The following AIG1 variants were observed in gnomAD, a reference collection of about 807,000 sequenced individuals.
AIG1 encodes the protein androgen induced 1, also known as androgen-induced gene 1 protein.
AIG1 carries 23 observed loss-of-function variants against 31.4 expected under a neutral mutation model. The ratio of observed to expected loss-of-function variants is 0.73; its 90% CI spans 0.53 to 1.04. The LOEUF (loss-of-function observed/expected upper bound fraction) is 1.04, where lower values mean the gene tolerates loss of function less well. Ranked by LOEUF, AIG1 falls within the 50% of genes least tolerant of loss-of-function variation. The pLI is 0.00. For missense variants in AIG1, 274 were observed against 295.0 expected, an observed-to-expected ratio of 0.93 and a Z score of 0.52; for synonymous variants, 100 against 110.5, an observed-to-expected ratio of 0.90 and a Z score of 0.60.
intron 3 of AIG1, among the ~76,000 whole-genome samples, chr6:143,225,094 C>T (rs1792844720): frequency 6.6e-6 from 1 of 152,120 alleles, no homozygotes; most frequent in South Asian, 2.1e-4. Flanking sequence ...CAAACTCTAC[C>T]ATTTCCCAAC....
chr6:143,167,925 G>A (rs974851539), intron 3 of AIG1, among the ~76,000 whole-genome samples: 5 of 152,136 alleles, frequency 3.3e-5, no homozygotes, highest in African/African-American at 1.2e-4. Context: ...TGCGCATGGT[G>A]GCTGATGTGT....
At chr6:143,232,763 G>C (rs1793532786) in intron 3 of AIG1, among the ~76,000 whole-genome samples, 1 of 152,028 alleles carries the variant, frequency 6.6e-6, no homozygotes. Flanking sequence ...TACTTCACAG[G>C]GTCCTTTCTT....
intron 3 of AIG1, among the ~76,000 whole-genome samples, chr6:143,236,346 A>G (rs1052045342): frequency 6.6e-6 from 1 of 152,210 alleles, no homozygotes; most frequent in Non-Finnish European, 1.5e-5. Context: ...TCTGTGACTC[A>G]CGCCATCTGT....
Position 143,323,275 on chromosome 6 carries a change from A to G in AIG1, c.516-10007A>G, listed in dbSNP as rs747973922. Among the ~76,000 whole-genome samples, 5 of 152,334 alleles carry G rather than the reference A, an allele frequency of 3.3e-5. No homozygotes were observed. In the East Asian group the frequency reaches 7.7e-4, roughly 24 times the overall value. ...AAGACTTTCAAGATGGTGACAGCAT[A>G]TCCTTAAACCAAGTGTGATCCCCTT... On this transcript the variant is annotated intron_variant, in intron 4 of 5. Transcript: ENST00000357847.
chr6:143,335,016 A>C, intron 5 of AIG1: 2 of 1,247,476 alleles, frequency 1.6e-6, no homozygotes, highest in Non-Finnish European at 2.1e-6. Context: ...TAAGTAACAT[A>C]AGATTGACTA....
chr6:143,250,646 C>T lies in AIG1; in HGVS notation c.400-33464C>T, dbSNP rs115301115. Among the ~76,000 whole-genome samples the T allele has an allele frequency of 4.2e-3, 633 of 152,134 alleles. 3 individuals carry two copies. Among genetic ancestry groups the T allele is most frequent in the African/African-American group, 0.015 (603 of 41,516 alleles). On this transcript the variant is annotated intron_variant, in intron 3 of 5. Transcript: ENST00000357847. Reference sequence around the variant, plus strand: ...GACACACATTGAGCAGGGGCAGAGGCAGGATGACCACAGAGACAGAGATTG... The same window carrying T: ...GACACACATTGAGCAGGGGCAGAGGTAGGATGACCACAGAGACAGAGATTG...
In AIG1 at chr6:143,299,922, C is replaced by G. The variant is rs1035853999; in HGVS notation, c.515+15697C>G. Among the ~76,000 whole-genome samples, 6 of 152,152 alleles carry G rather than the reference C, an allele frequency of 3.9e-5. No homozygotes were observed. The highest frequency in any genetic ancestry group is 8.8e-5 in the Non-Finnish European group (6 of 68,034). ...ACATTCTGAGTCAGTGTCAGGTGCC[C>G]CTTTCAAGTGGCACCCTCCATTCAC... On this transcript the variant is annotated intron_variant, in intron 4 of 5. Coordinates refer to ENST00000357847, the MANE Select transcript of AIG1 (RefSeq NM_016108.4). This position sits in a 1 kb window ranked among gnomAD's most constrained non-coding sequence, Gnocchi z 4.1.
rs144324509 is a variant in AIG1, at chr6:143,127,196, G to A, written c.142-9639G>A. ...CTTATCATTTCCCCTTTAATTAATG[G>A]TTTTATCCTCATATGGGGACTCTTC... On this transcript the variant is annotated intron_variant, in intron 1 of 5. Transcript: ENST00000357847. Among the ~76,000 whole-genome samples the A allele has an allele frequency of 5.9e-5, 9 of 152,146 alleles. No homozygotes were observed. In the East Asian group the frequency reaches 1.7e-3, roughly 29 times the overall value.
chr6:143,061,147 TGG>T, intron 1 of AIG1, 81 bp downstream of exon 1: 1 of 1,419,476 alleles, frequency 7.0e-7, no homozygotes, highest in South Asian at 1.2e-5. Flanking sequence ...TGTGTGTGTG[TGG>T]ATGCGCGAGC....
intron 1 of AIG1, among the ~76,000 whole-genome samples, chr6:143,092,798 C>T (rs1357129533): frequency 5.3e-5 from 8 of 152,050 alleles, no homozygotes; most frequent in Admixed American, 3.9e-4. Flanking sequence ...GGCTGTAATC[C>T]CAGCGTTTTG....
intron 3 of AIG1, among the ~76,000 whole-genome samples, chr6:143,194,698 C>A (rs1583474206): frequency 6.6e-6 from 1 of 152,144 alleles, no homozygotes; most frequent in Non-Finnish European, 1.5e-5. Flanking sequence ...ATGCTGTAAC[C>A]CCAGTACCCC....
chr6:143,108,908 T>A (rs1007637426), intron 1 of AIG1, among the ~76,000 whole-genome samples: 2 of 152,124 alleles, frequency 1.3e-5, no homozygotes, highest in Non-Finnish European at 2.9e-5. Flanking sequence ...AGGAAACACA[T>A]CTGTGTAACC....
intron 1 of AIG1, among the ~76,000 whole-genome samples, chr6:143,121,043 T>C (rs1782197108): frequency 6.6e-6 from 1 of 152,256 alleles, no homozygotes; most frequent in Non-Finnish European, 1.5e-5. Context: ...TTTCGGCCCA[T>C]CCCTTTGTTT....
chr6:143,266,333 T>C (rs1186665256), intron 3 of AIG1, among the ~76,000 whole-genome samples: 1 of 100,892 alleles, frequency 9.9e-6, no homozygotes, highest in African/African-American at 4.4e-5. Context: ...GACAATAGAG[T>C]AAGAGTCCGT....
chr6:143,307,552 C>A (rs1799420232), intron 4 of AIG1, among the ~76,000 whole-genome samples: 1 of 152,198 alleles, frequency 6.6e-6, no homozygotes, highest in African/African-American at 2.4e-5. Flanking sequence ...CTGATCGTTC[C>A]TCTGGAAGTT....
chr6:143,078,455 TG>T (rs772808152), intron 1 of AIG1, among the ~76,000 whole-genome samples: 106 of 152,222 alleles, frequency 7.0e-4, no homozygotes, highest in Non-Finnish European at 1.4e-3. Flanking sequence ...ATGAACATTT[TG>T]AATATTGTAT....
chr6:143,239,792 G>A (rs545693086), intron 3 of AIG1, among the ~76,000 whole-genome samples: 43 of 152,252 alleles, frequency 2.8e-4, no homozygotes, highest in African/African-American at 1.0e-3. Flanking sequence ...GCAGAGGGTG[G>A]CCTATGTGTT....
upstream of AIG1, among the ~76,000 whole-genome samples, chr6:143,060,266 C>T (rs1776109961): frequency 6.6e-6 from 1 of 152,184 alleles, no homozygotes; most frequent in African/African-American, 2.4e-5. Context: ...AGTCGTTTGT[C>T]AACACTGAAA....
chr6:143,115,906 G>A (rs7776321), intron 1 of AIG1, among the ~76,000 whole-genome samples: 2,872 of 152,262 alleles, frequency 0.019, 78 homozygotes, highest in African/African-American at 0.066. Context: ...CAGCTGTAAT[G>A]TCAACACACT....
Sources: gnomAD v4.1 joint callset for allele counts (sites outside exome capture counted in the v4.1 genomes callset) on GRCh38, gnomAD v4.1.1 for gene constraint, Gnocchi (gnomAD v3.1) non-coding constraint, MANE v1.5 for transcripts, NCBI Gene and HGNC (gene_info 2026-07-23, HGNC 2026-07-21) for gene names.